The following FBN2 variants were observed in gnomAD, a reference collection of about 807,000 sequenced individuals.
FBN2 encodes the protein fibrillin 2, also known as fibrillin-2.
Under a neutral mutation model 355.6 loss-of-function variants are expected in FBN2, and 105 were observed. That is an observed-to-expected ratio of 0.30 (90% confidence interval 0.25 to 0.35). The LOEUF (loss-of-function observed/expected upper bound fraction) is 0.35. FBN2 is among the 10% of genes least tolerant of loss of function. The pLI is 1.00. For missense variants in FBN2, 3,280 were observed against 3,758.7 expected (o/e 0.87, Z 3.33); for synonymous variants, 1,350 against 1,301.2 (o/e 1.04, Z -0.81).
rs70997371 is a variant in FBN2 at position 128,455,990 on chromosome 5, C to CAAAAAAAAAAAAAAAAAAAAAAA, written c.826+8711_826+8733dup. Among the ~76,000 whole-genome samples the CAAAAAAAAAAAAAAAAAAAAAAA allele has an allele frequency of 4.4e-4, 11 of 25,276 alleles. 3 individuals carry two copies. Among genetic ancestry groups the CAAAAAAAAAAAAAAAAAAAAAAA allele is most frequent in the Non-Finnish European group, 6.3e-4 (8 of 12,632 alleles). The allele number at this position is 25,276 out of a possible 152,430, so 16.6% of individuals were successfully genotyped here. ...GAGCTCCTTGGGGGAGGGTTAGCAACAAAAAAAAAAAAAAAAAAAAAAAAA... is the reference window on the plus strand; with the variant it reads ...GAGCTCCTTGGGGGAGGGTTAGCAACAAAAAAAAAAAAAAAAAAAAAAAAAAAAAAAAAAAAAAAAAAAAAAAA... On this transcript the variant is annotated intron_variant, in intron 6 of 64. Transcript: ENST00000262464.
In FBN2 at chr5:128,257,950, G is replaced by A. The variant is rs1292010549; in HGVS notation, c.*1505C>T. The A allele has an allele frequency of 6.6e-6, 1 of 152,272 alleles. No homozygotes were observed. Among genetic ancestry groups the A allele is most frequent in the African/African-American group, 2.4e-5 (1 of 41,240 alleles). The allele number at this position is 152,272 out of a possible 1,614,324, so 9.4% of individuals were successfully genotyped here. On this transcript the variant is annotated 3_prime_UTR_variant, in exon 65 of 65. Coordinates refer to ENST00000262464, the MANE Select transcript of FBN2 (RefSeq NM_001999.4). ...TTATTGCAAGAAAAGTGTCATATTT[G>A]ATACACAGACCTACAAAAACAAACA...
intron 59 of FBN2, among the ~76,000 whole-genome samples, chr5:128,275,647 T>A (rs1300899207): frequency 6.6e-6 from 1 of 152,154 alleles, no homozygotes; most frequent in East Asian, 1.9e-4. Context: ...GCAAAAAATT[T>A]AAATTTACCT....
At chr5:128,304,447 T>C (rs1211736811) in intron 45 of FBN2, among the ~76,000 whole-genome samples, 1 of 152,234 alleles carries the variant, frequency 6.6e-6, no homozygotes, top group East Asian at 1.9e-4. Flanking sequence ...TATTTGCTCC[T>C]AAAGCTATTT....
At chr5:128,531,359 A>G (rs1756700530) in intron 2 of FBN2, among the ~76,000 whole-genome samples, 1 of 152,086 alleles carries the variant, frequency 6.6e-6, no homozygotes, top group Non-Finnish European at 1.5e-5. Flanking sequence ...GAGCTAAGCT[A>G]TGAGGACACA....
At chr5:128,439,882 C>A (rs1753871022) in intron 7 of FBN2, among the ~76,000 whole-genome samples, 2 of 151,958 alleles carry the variant, frequency 1.3e-5, no homozygotes, top group Non-Finnish European at 2.9e-5. Context: ...ATATTTTATA[C>A]AAAATTGTAT....
At position 128,302,990 on chromosome 5, in the gene FBN2, T is replaced by A. The variant is rs1314671452; in HGVS notation, c.5900A>T (p.His1967Leu). The change falls in exon 46 of 65, where the codon CAT (histidine) becomes CTT (leucine). Residue 1967 changes from histidine (H) to leucine (L), a missense_variant. By Grantham distance (99) the His-to-Leu change is moderately conservative (BLOSUM62 -3). Transcript: ENST00000262464. ...CLCYPGFELT[H>L]NNDCLDIDEC... is the part of the protein sequence containing the mutation. ...GTACTTACCCAGGCAATCATTATTA[T>A]GAGTGAGTTCAAACCCTGGGTAGCA... The A allele has an allele frequency of 2.5e-6, 4 of 1,580,078 alleles. No homozygotes were observed. In the East Asian group the frequency reaches 9.0e-5, roughly 35 times the overall value.
At chr5:128,441,305 G>A (rs1249535198) in intron 7 of FBN2, among the ~76,000 whole-genome samples, 1 of 152,198 alleles carries the variant, frequency 6.6e-6, no homozygotes, top group Non-Finnish European at 1.5e-5. Flanking sequence ...CTGTCTCCAT[G>A]AGTTTCCCCG....
chr5:128,277,313 G>A (rs1250909352), intron 58 of FBN2, among the ~76,000 whole-genome samples: 2 of 152,106 alleles, frequency 1.3e-5, no homozygotes, highest in South Asian at 2.1e-4. Flanking sequence ...ATAAAAAACC[G>A]AATAAGAAAA....
rs147855098 is a variant in FBN2, at chr5:128,453,320, T to G, written c.827-6714A>C. On this transcript the variant is annotated intron_variant, in intron 6 of 64. Transcript: ENST00000262464. ...AGAAACTTGGCATGTTCCTCTCACT[T>G]ATGTCACATCACTTCATCAGCAACA... 2.0e-5 allele frequency among the ~76,000 whole-genome samples: 3 copies of G among 152,328 alleles called. No homozygotes were observed. In the East Asian group the frequency reaches 5.8e-4, roughly 29 times the overall value.
chr5:128,482,533 C>G (rs950721487), intron 5 of FBN2, among the ~76,000 whole-genome samples: 16 of 152,014 alleles, frequency 1.1e-4, no homozygotes, highest in Non-Finnish European at 2.9e-5. Flanking sequence ...ACACATTATT[C>G]GCAATACGAA....
intron 11 of FBN2, among the ~76,000 whole-genome samples, chr5:128,389,574 C>A (rs1752457479): frequency 6.6e-6 from 1 of 152,170 alleles, no homozygotes; most frequent in Non-Finnish European, 1.5e-5. Context: ...CCAAAGCCCC[C>A]TAAAGGAGGA....
At chr5:128,479,932 C>CTG (rs1755108390) in intron 5 of FBN2, among the ~76,000 whole-genome samples, 1 of 44,308 alleles carries the variant, frequency 2.3e-5, no homozygotes, top group Non-Finnish European at 5.1e-5. Context: ...GTCTCCTTGT[C>CTG]TCTCTCTCTC....
intron 11 of FBN2, among the ~76,000 whole-genome samples, chr5:128,386,993 T>C (rs1045121959): frequency 1.1e-4 from 17 of 152,158 alleles, no homozygotes; most frequent in Admixed American, 1.1e-3. Flanking sequence ...CTTCAAATTT[T>C]TGGAATAGTT....
intron 25 of FBN2, among the ~76,000 whole-genome samples, chr5:128,342,115 C>G (rs1375848112): frequency 6.6e-6 from 1 of 151,998 alleles, no homozygotes; most frequent in Non-Finnish European, 1.5e-5. Context: ...GAGACAGGGT[C>G]TGGGAGTCAG....
At chr5:128,410,640 C>T (rs144576760) in intron 7 of FBN2, among the ~76,000 whole-genome samples, 163 of 152,272 alleles carry the variant, frequency 1.1e-3, no homozygotes, top group African/African-American at 3.8e-3. Flanking sequence ...AGTCTTAAAA[C>T]TCTTCCTGAC....
chr5:128,283,512 G>C (rs969454938), intron 55 of FBN2, among the ~76,000 whole-genome samples: 3 of 152,124 alleles, frequency 2.0e-5, no homozygotes, highest in Non-Finnish European at 4.4e-5. Context: ...TATCTTGCTG[G>C]CTACTCTTTC....
chr5:128,487,133 G>T (rs892573819), intron 5 of FBN2, among the ~76,000 whole-genome samples: 4 of 152,280 alleles, frequency 2.6e-5, no homozygotes, highest in East Asian at 3.9e-4. Context: ...AAACACAGAA[G>T]TGTCACTTCC....
intron 32 of FBN2, among the ~76,000 whole-genome samples, chr5:128,331,013 A>G (rs1044763372): frequency 6.6e-6 from 1 of 152,226 alleles, no homozygotes; most frequent in African/African-American, 2.4e-5. Flanking sequence ...CCTTATCAGT[A>G]GAAGAATCAA....
At chr5:128,332,767 C>T (rs1297521075) in intron 32 of FBN2, 145 bp downstream of exon 32, 2 of 832,146 alleles carry the variant, frequency 2.4e-6, no homozygotes, top group Admixed American at 1.8e-5. Context: ...GTAAAGGACA[C>T]CCTTAGGCAG....
Sources: gnomAD v4.1 joint callset for allele counts (sites outside exome capture counted in the v4.1 genomes callset) on GRCh38, gnomAD v4.1.1 for gene constraint, MANE v1.5 for transcripts, NCBI Gene and HGNC (gene_info 2026-07-23, HGNC 2026-07-21) for gene names.